The following AP2A2 variants were observed in gnomAD, a reference collection of about 807,000 sequenced individuals.
The protein encoded by AP2A2 is AP-2 complex subunit alpha-2.
Under a neutral mutation model 104.2 loss-of-function variants are expected in AP2A2, and 32 were observed. The observed-to-expected ratio is 0.31, with a 90% CI of 0.23 to 0.41. The LOEUF (loss-of-function observed/expected upper bound fraction) is 0.41. Ranked by LOEUF, AP2A2 falls within the 10% of genes least tolerant of loss-of-function variation. The pLI is 1.00. For missense variants in AP2A2, 912 were observed against 1,261.0 expected, an observed-to-expected ratio of 0.72 and a Z score of 4.19; for synonymous variants, 539 against 533.3, an observed-to-expected ratio of 1.01 and a Z score of -0.15.
At chr11:959,028 G>A (rs969583599) in intron 1 of AP2A2, among the ~76,000 whole-genome samples, 3 of 152,226 alleles carry the variant, frequency 2.0e-5, no homozygotes, top group South Asian at 2.1e-4. Context: ...TTTTGGCAGT[G>A]GAAGTTGATT....
At chr11:953,743 C>G (rs988391203) in intron 1 of AP2A2, among the ~76,000 whole-genome samples, 35 of 152,254 alleles carry the variant, frequency 2.3e-4, no homozygotes, top group Non-Finnish European at 4.4e-4. Context: ...GTTCTTGCAT[C>G]ATGCTCAGCC....
chr11:1,006,563 A>G lies in AP2A2; in HGVS notation c.2242A>G (p.Thr748Ala). 1 of 1,613,744 alleles carries G rather than the reference A, an allele frequency of 6.2e-7. No homozygotes were observed. Among genetic ancestry groups the G allele is most frequent in the Non-Finnish European group, 8.5e-7 (1 of 1,179,826 alleles). Reference sequence around the variant, plus strand: ...TATCTTTTATGGTAATAAGACCTCCACGCAGTTCCTAAACTTTACCCCAAC... The same window carrying G: ...TATCTTTTATGGTAATAAGACCTCCGCGCAGTTCCTAAACTTTACCCCAAC... ...MFIFYGNKTS[T>A]QFLNFTPTLI... Residue 748 changes from threonine (T) to alanine (A), a missense_variant, in exon 17 of 22, where the codon ACG becomes GCG. Around this residue, in one of 7 missense-constraint regions of AP2A2, gnomAD observed 239 missense variants for 329.8 expected, o/e 0.72. Transcript: ENST00000448903.
chr11:1,004,173 T>A (rs1346827580), intron 16 of AP2A2, among the ~76,000 whole-genome samples: 1 of 152,208 alleles, frequency 6.6e-6, no homozygotes, highest in Non-Finnish European at 1.5e-5. Flanking sequence ...CCAGGATGGC[T>A]GTTAGAAAAC....
At position 968,690 on chromosome 11, in the gene AP2A2, C is replaced by T. The variant is rs955665939; in HGVS notation, c.137-1479C>T. On this transcript the variant is annotated intron_variant, in intron 2 of 21. Transcript: ENST00000448903. This position sits in a 1 kb window ranked among gnomAD's most constrained non-coding sequence, Gnocchi z 4.2. ...CCAGTGGAGGATCTCTGCTGCGCAG[C>T]CCGTGCTCAGCTGTGTGTGCCCTCC... is the stretch of plus-strand genomic sequence containing the variant. Among the ~76,000 whole-genome samples the T allele has an allele frequency of 2.0e-5, 3 of 151,920 alleles. No homozygotes were observed. The highest frequency in any genetic ancestry group is 2.9e-5 in the Non-Finnish European group (2 of 67,998).
chr11:983,558 A>G (rs968245453), intron 6 of AP2A2, among the ~76,000 whole-genome samples: 8 of 150,790 alleles, frequency 5.3e-5, no homozygotes, highest in Admixed American at 2.6e-4. Context: ...AATTTTTTGT[A>G]TTTTTTAGTA....
chr11:984,279 G>T (rs577085484), intron 6 of AP2A2, among the ~76,000 whole-genome samples: 1 of 152,228 alleles, frequency 6.6e-6, no homozygotes, highest in African/African-American at 2.4e-5. Flanking sequence ...TGTGGGGTAG[G>T]GTCAGAATGC....
At chr11:983,747 T>C (rs952814694) in intron 6 of AP2A2, among the ~76,000 whole-genome samples, 5 of 152,246 alleles carry the variant, frequency 3.3e-5, no homozygotes, top group Non-Finnish European at 7.3e-5. Flanking sequence ...GTTTCAAATA[T>C]ATACAGTTAA....
At position 987,156 on chromosome 11, in the gene AP2A2, C is replaced by T. The variant is rs192570020; in HGVS notation, c.1131+203C>T. 2.6e-5 allele frequency among the ~76,000 whole-genome samples: 4 copies of T among 152,350 alleles called. No individual in the cohort carries two copies. In the East Asian group the frequency reaches 7.7e-4, roughly 29 times the overall value. On this transcript the variant is annotated intron_variant, in intron 9 of 21. Coordinates refer to ENST00000448903, the MANE Select transcript of AP2A2 (RefSeq NM_012305.4). The stretch of plus-strand genomic sequence containing the variant: ...CTGCCTGGAGATGGCCGGGTTGGCC[C>T]TGCTGTCCTGGTTAGGCTGAGCAGA...
intron 1 of AP2A2, among the ~76,000 whole-genome samples, chr11:935,251 C>G (rs1008956870): frequency 6.6e-6 from 1 of 152,022 alleles, no homozygotes; most frequent in Non-Finnish European, 1.5e-5. Context: ...TAGAGACGGA[C>G]TTTCACCATG....
rs145052222 is a variant in AP2A2, at chr11:984,758, C to G, written c.814+5C>G. 2.0e-5 allele frequency: 32 copies of G among 1,592,240 alleles called. No individual in the cohort carries two copies. The highest frequency in any genetic ancestry group is 2.3e-5 in the Non-Finnish European group (27 of 1,162,514). ...TGCAGTGCTACCCACCCCCAGGTAA[C>G]GCGCAGGCCGCGGCTCCTGAAGCTG... On this transcript the variant is annotated splice_donor_5th_base_variant and intron_variant, in intron 7 of 21. Coordinates refer to ENST00000448903, the MANE Select transcript of AP2A2 (RefSeq NM_012305.4).
chr11:1,007,157 A>T (rs1009582189), intron 17 of AP2A2: 1 of 154,710 alleles, frequency 6.5e-6, no homozygotes, highest in African/African-American at 2.4e-5. Flanking sequence ...CCCGCCAAAT[A>T]GAGTTAGCGT....
intron 2 of AP2A2, 119 bp from the exon 3 acceptor site, chr11:970,050 C>A (rs1348825198): frequency 7.3e-6 from 8 of 1,101,930 alleles, no homozygotes; most frequent in Non-Finnish European, 1.1e-5. Flanking sequence ...TGGGCCCGGC[C>A]ACCCCTCTCC....
At chr11:1,008,977 C>T in intron 18 of AP2A2, 123 bp from the exon 19 acceptor site, 1 of 770,486 alleles carries the variant, frequency 1.3e-6, no homozygotes, top group Non-Finnish European at 2.1e-6. Context: ...AGGCTCGGCC[C>T]CCCGACCCGC....
chr11:938,239 C>T (rs898131629), intron 1 of AP2A2, among the ~76,000 whole-genome samples: 1 of 152,132 alleles, frequency 6.6e-6, no homozygotes, highest in African/African-American at 2.4e-5. Context: ...TTGGCTACAC[C>T]GACCCTCCCT....
At chr11:983,600 G>C (rs564494469) in intron 6 of AP2A2, among the ~76,000 whole-genome samples, 4 of 151,910 alleles carry the variant, frequency 2.6e-5, no homozygotes, top group Middle Eastern at 3.4e-3. Context: ...AGCCAGGATG[G>C]TCTCGATCTC....
At chr11:953,577 C>T (rs1401372444) in intron 1 of AP2A2, among the ~76,000 whole-genome samples, 1 of 151,768 alleles carries the variant, frequency 6.6e-6, no homozygotes, top group Admixed American at 6.6e-5. Flanking sequence ...ACACAGTGGC[C>T]TGCCTGGCAG....
intron 10 of AP2A2, among the ~76,000 whole-genome samples, chr11:991,087 G>A (rs1314015145): frequency 1.4e-5 from 2 of 144,202 alleles, no homozygotes; most frequent in African/African-American, 2.6e-5. Context: ...GCTCCCCTCC[G>A]TCCTTTCAGC....
chr11:969,643 T>C (rs953268704), intron 2 of AP2A2, among the ~76,000 whole-genome samples: 11 of 152,214 alleles, frequency 7.2e-5, no homozygotes, highest in Non-Finnish European at 1.2e-4. Flanking sequence ...CAAACTGCGA[T>C]GAGGCAGAGA....
chr11:960,772 C>T lies in AP2A2; in HGVS notation c.136+1267C>T, dbSNP rs536602753. Among the ~76,000 whole-genome samples, 47 of 152,316 alleles carry T rather than the reference C, an allele frequency of 3.1e-4. No individual in the cohort carries two copies. In the South Asian group the frequency reaches 9.5e-3, roughly 31 times the overall value. On this transcript the variant is annotated intron_variant, in intron 2 of 21. Coordinates refer to ENST00000448903, the MANE Select transcript of AP2A2 (RefSeq NM_012305.4). Reference sequence around the variant, plus strand: ...ACCTCAAGTGATCCACCTGCCTCAGCCTCCCAACATGCTGGGATTACAGGC... The same window carrying T: ...ACCTCAAGTGATCCACCTGCCTCAGTCTCCCAACATGCTGGGATTACAGGC...
Sources: gnomAD v4.1 joint callset for allele counts (sites outside exome capture counted in the v4.1 genomes callset) on GRCh38, gnomAD v4.1.1 for gene constraint, gnomAD v4.1.1 regional missense constraint, Gnocchi (gnomAD v3.1) non-coding constraint, MANE v1.5 for transcripts, NCBI Gene and HGNC (gene_info 2026-07-23, HGNC 2026-07-21) for gene names.